The following PPFIA4 variants were observed in gnomAD, a reference collection of about 807,000 sequenced individuals.
The protein encoded by PPFIA4 is PPFI scaffold protein A4.
Under a neutral mutation model 145.7 loss-of-function variants are expected in PPFIA4, and 98 were observed. The ratio of observed to expected loss-of-function variants is 0.67; its 90% confidence interval spans 0.57 to 0.80. The LOEUF is 0.80. PPFIA4 is among the 30% of genes least tolerant of loss of function. The pLI is 0.00. For missense variants in PPFIA4, 1,457 were observed against 1,632.7 expected (o/e 0.89, Z 1.85); for synonymous variants, 628 against 649.6 (o/e 0.97, Z 0.51).
At chr1:203,035,543 T>C in intron 1 of PPFIA4, 1 of 456,774 alleles carries the variant, frequency 2.2e-6, no homozygotes, top group South Asian at 1.5e-5. Context: ...TTGAGCCCTC[T>C]TCCTCTGTTT....
chr1:203,054,711 CAG>C (rs368481154), intron 15 of PPFIA4, among the ~76,000 whole-genome samples: 9 of 151,046 alleles, frequency 6.0e-5, no homozygotes, highest in South Asian at 4.2e-4. Context: ...CATACACACA[CAG>C]AGAGAGAGAG....
In PPFIA4 at chr1:203,055,467, G is replaced by A. The variant is rs1426825551; in HGVS notation, c.1865G>A (p.Arg622His). 7 of 1,613,980 alleles carry A rather than the reference G, an allele frequency of 4.3e-6. No individual in the cohort carries two copies. The East Asian group carries it at 6.7e-5, about 15-fold the overall frequency. Residue 622 changes from arginine (R) to histidine (H), a missense_variant, in exon 16 of 30, where the codon CGC (arginine) becomes CAC (histidine). Arg to His is a conservative substitution (Grantham distance 29). Transcript: ENST00000295706. The surrounding 1 kb of genome is among the most constrained non-coding windows in gnomAD (Gnocchi z 4.8). ...GAAGAGAAGGAGTCCACGGAGCTCC[G>A]CGCGGAGGAGATTGAGACGCGTGTA... ...IQEEKESTEL[R>H]AEEIETRVTS...
At chr1:203,039,987 C>A (rs1188312650) in intron 2 of PPFIA4, among the ~76,000 whole-genome samples, 3 of 152,236 alleles carry the variant, frequency 2.0e-5, no homozygotes, top group Admixed American at 6.5e-5. Context: ...CTATTTCTCC[C>A]TCACTGCATT....
intron 25 of PPFIA4, among the ~76,000 whole-genome samples, chr1:203,065,969 C>T (rs3737881): frequency 0.33 from 49,993 of 152,010 alleles, 8,558 homozygotes; most frequent in Middle Eastern, 0.43. Flanking sequence ...AATAGTGCTG[C>T]CACTACTGAG....
At chr1:203,045,334 G>A (rs1265154712) in intron 6 of PPFIA4, 34 bp from the exon 7 acceptor site, 1 of 1,513,822 alleles carries the variant, frequency 6.6e-7, no homozygotes, top group Non-Finnish European at 8.9e-7. Flanking sequence ...GGATGCTGCT[G>A]TGACTCACAG....
In PPFIA4 at chr1:203,078,364, C is replaced by T. The variant is rs1277544702; in HGVS notation, c.*1974C>T. ...TGATGGGCTGGCTGTAAGGGAGACT[C>T]AGTCCCAGCCTCTCCCCTCTACAAC... is the stretch of plus-strand genomic sequence containing the variant. On this transcript the variant is annotated 3_prime_UTR_variant, in exon 30 of 30. Coordinates refer to ENST00000295706, the MANE Select transcript of PPFIA4 (RefSeq NM_001304331.2). The T allele has an allele frequency of 6.6e-6, 1 of 152,226 alleles. No individual in the cohort carries two copies. The highest frequency in any genetic ancestry group is 1.5e-5 in the Non-Finnish European group (1 of 68,038). 9.4% of individuals were successfully genotyped at this position (152,226 alleles called of 1,614,324 possible).
rs760379152 is a variant in PPFIA4, at chr1:203,045,473, G to A, written c.772G>A (p.Glu258Lys). The A allele has an allele frequency of 3.1e-6, 5 of 1,609,284 alleles. No homozygotes were observed. ...RLVTLTTTVT[E>K]LEEDLGTARR... Reference sequence around the variant, plus strand: ...GGTCACCCTAACAACAACCGTGACTGAACTCGAGGAGGACCTGGGCACGGC... The same window carrying A: ...GGTCACCCTAACAACAACCGTGACTAAACTCGAGGAGGACCTGGGCACGGC... The change falls in exon 7 of 30, where the codon GAA (glutamate) becomes AAA (lysine). Residue 258 changes from glutamate to lysine, a missense_variant. Physicochemically the swap from Glu to Lys is moderately conservative, Grantham distance 56 (BLOSUM62 1). This residue lies in a region of PPFIA4 where 463 missense variants were observed against 459.8 expected (regional missense o/e 1.01). Transcript: ENST00000295706.
At position 203,060,850 on chromosome 1, in the gene PPFIA4, C is replaced by A. The variant is rs902392659; in HGVS notation, c.2785-120C>A. 1.5e-5 allele frequency: 13 copies of A among 860,412 alleles called. No individual in the cohort carries two copies. Among genetic ancestry groups the A allele is most frequent in the Non-Finnish European group, 2.3e-5 (12 of 519,244 alleles). The allele number at this position is 860,412 out of a possible 1,614,324, so 53.3% of individuals were successfully genotyped here. On this transcript the variant is annotated intron_variant, in intron 22 of 29. Coordinates refer to ENST00000295706, the MANE Select transcript of PPFIA4 (RefSeq NM_001304331.2). The surrounding 1 kb of genome is among the most constrained non-coding windows in gnomAD (Gnocchi z 4.8). Reference sequence around the variant, plus strand: ...TTGTCGGCCATCTCCATGATTGAGACCAGCCCCCATTTCAGAGGACTCAGG... The same window carrying A: ...TTGTCGGCCATCTCCATGATTGAGAACAGCCCCCATTTCAGAGGACTCAGG...
At position 203,078,411 on chromosome 1, in the gene PPFIA4, C is replaced by T. The variant is rs553763651; in HGVS notation, c.*2021C>T. On this transcript the variant is annotated 3_prime_UTR_variant, in exon 30 of 30. Coordinates refer to ENST00000295706, the MANE Select transcript of PPFIA4 (RefSeq NM_001304331.2). ...CAACTCCTGCCACTGTTGGCCATGT[C>T]GTAAGGCAGCAGCTGTGCCAGGATA... The T allele has an allele frequency of 4.6e-5, 7 of 152,302 alleles. No homozygotes were observed. The highest frequency in any genetic ancestry group is 1.3e-4 in the Admixed American group (2 of 15,280). The allele number at this position is 152,302 out of a possible 1,614,324, so 9.4% of individuals were successfully genotyped here.
chr1:203,038,843 CT>C lies in PPFIA4; in HGVS notation c.-163del, dbSNP rs1452580015. 5 of 566,224 alleles carry C rather than the reference CT, an allele frequency of 8.8e-6. No homozygotes were observed. In the African/African-American group the frequency reaches 9.6e-5, roughly 11 times the overall value. 35.1% of individuals were successfully genotyped at this position (566,224 alleles called of 1,614,324 possible). ...CAGGGGCACTCCAGACCCCAGGCCC[CT>C]TTCAGAGCAAAAGCAACTGATGCTA... On this transcript the variant is annotated 5_prime_UTR_variant, in exon 2 of 30. It removes the in-frame stop codon of an upstream open reading frame in the 5' UTR. Coordinates refer to ENST00000295706, the MANE Select transcript of PPFIA4 (RefSeq NM_001304331.2).
intron 1 of PPFIA4, among the ~76,000 whole-genome samples, chr1:203,032,181 C>T (rs760169690): frequency 5.3e-5 from 8 of 151,958 alleles, no homozygotes; most frequent in African/African-American, 1.5e-4. Context: ...TCCCATAAAA[C>T]GGACAGATTA....
intron 1 of PPFIA4, among the ~76,000 whole-genome samples, chr1:203,032,445 G>GTTT (rs1658921226): frequency 1.2e-5 from 1 of 82,928 alleles, no homozygotes; most frequent in Non-Finnish European, 2.6e-5. Context: ...TGTTGTTGTT[G>GTTT]TTTTTGAAAT....
intron 29 of PPFIA4, chr1:203,076,046 G>A (rs1343331507): frequency 8.6e-6 from 5 of 581,636 alleles, no homozygotes; most frequent in Non-Finnish European, 1.2e-5. Flanking sequence ...CTCCCGCCCC[G>A]GGTCTGACGG....
At chr1:203,046,220 A>T in intron 8 of PPFIA4, 28 bp from the exon 9 acceptor site, 2 of 1,571,636 alleles carry the variant, frequency 1.3e-6, no homozygotes, top group Non-Finnish European at 1.7e-6. Flanking sequence ...CTCCCTTTTG[A>T]ATCACTTCAC....
chr1:203,075,671 C>A lies in PPFIA4; in HGVS notation c.3488C>A (p.Ala1163Glu). 1 of 1,503,040 alleles carries A rather than the reference C, an allele frequency of 6.7e-7. No homozygotes were observed. Among genetic ancestry groups the A allele is most frequent in the South Asian group, 1.3e-5 (1 of 78,006 alleles). 93.1% of individuals were successfully genotyped at this position (1,503,040 alleles called of 1,614,324 possible). A position where few individuals can be genotyped will look rare whatever the true frequency, so the allele number is the denominator to read the frequency against. ...CGCGGCGGCATGCTCAGCGCTTCCG[C>A]GGAGACCCTCCCGGCGGGCTTCCGT... ...HGRGGMLSAS[A>E]ETLPAGFRVS... Residue 1163 changes from alanine (A) to glutamate (E), a missense_variant, in exon 29 of 30, where the codon GCG (alanine) becomes GAG (glutamate). Around this residue, in one of 3 missense-constraint regions of PPFIA4, gnomAD observed 146 missense variants for 126.2 expected, o/e 1.16. Coordinates refer to ENST00000295706, the MANE Select transcript of PPFIA4 (RefSeq NM_001304331.2). This position sits in a 1 kb window ranked among gnomAD's most constrained non-coding sequence, Gnocchi z 4.1.
At chr1:203,071,802 C>T in intron 28 of PPFIA4, 42 bp downstream of exon 28, 1 of 1,517,190 alleles carries the variant, frequency 6.6e-7, no homozygotes, top group Non-Finnish European at 9.1e-7. Flanking sequence ...GGGATTTGGT[C>T]ATCTTCGTTG....
intron 13 of PPFIA4, chr1:203,051,479 C>T: frequency 1.6e-6 from 1 of 640,454 alleles, no homozygotes; most frequent in African/African-American, 1.9e-5. Flanking sequence ...TTAAAAGCCA[C>T]CAGTTGCATC....
Position 203,045,891 on chromosome 1 carries a change from G to A in PPFIA4, c.909G>A (p.Lys303=), listed in dbSNP as rs1558074959. Residue 303 remains lysine, a synonymous_variant, in exon 8 of 30, where the codon AAG becomes AAA. Transcript: ENST00000295706. ...AAGAGCGGATTACTACACTGGAGAA[G>A]CGCTACCTGGCTGCTCAGCGTGAGG... ...DMEERITTLE[K]RYLAAQREAT... The A allele has an allele frequency of 6.2e-7, 1 of 1,612,862 alleles. No homozygotes were observed. Among genetic ancestry groups the A allele is most frequent in the Non-Finnish European group, 8.5e-7 (1 of 1,179,874 alleles).
Position 203,075,108 on chromosome 1 carries a change from T to A in PPFIA4, c.3394-469T>A, listed in dbSNP as rs909947048. ...CAGAGCCAGGATTAGAAGCCAGGTG[T>A]CTGACTCCCGCCCGACATAGTACTC... On this transcript the variant is annotated intron_variant, in intron 28 of 29. Coordinates refer to ENST00000295706, the MANE Select transcript of PPFIA4 (RefSeq NM_001304331.2). The surrounding 1 kb of genome is among the most constrained non-coding windows in gnomAD (Gnocchi z 4.1). 1.3e-5 allele frequency among the ~76,000 whole-genome samples: 2 copies of A among 152,138 alleles called. No homozygotes were observed. Among genetic ancestry groups the A allele is most frequent in the African/African-American group, 4.8e-5 (2 of 41,414 alleles).
Sources: allele counts gnomAD v4.1 joint callset (sites outside exome capture counted in the v4.1 genomes callset), GRCh38; gene constraint gnomAD v4.1.1; regional missense constraint gnomAD v4.1.1; non-coding constraint Gnocchi (gnomAD v3.1); transcripts MANE v1.5; gene names NCBI Gene and HGNC (gene_info 2026-07-23, HGNC 2026-07-21).